NAV1: variants seen among roughly 807,000 people sequenced by gnomAD.
NAV1 encodes neuron navigator 1, also known as pore membrane and/or filament interacting like protein 3.
NAV1 carries 18 observed loss-of-function variants against 175.2 expected under a neutral mutation model. The observed-to-expected ratio is 0.10, with a 90% CI of 0.07 to 0.15. The LOEUF (loss-of-function observed/expected upper bound fraction) is 0.15, where lower values mean the gene tolerates loss of function less well. NAV1 is among the 10% of genes least tolerant of loss of function. The pLI, the probability that NAV1 is intolerant of heterozygous loss-of-function variation, is 1.00. For synonymous variants in NAV1, 897 were observed against 978.7 expected (o/e 0.92, Z 1.56); for missense variants, 1,731 against 2,436.6 (o/e 0.71, Z 6.10).
chr1:201,744,888 A>C (rs1243603005), intron 3 of NAV1, among the ~76,000 whole-genome samples: 1 of 152,218 alleles, frequency 6.6e-6, no homozygotes, highest in East Asian at 1.9e-4. Context: ...GAGACAAACA[A>C]CTGAATGAAT....
At chr1:201,736,245 C>T (rs1673108662) in intron 3 of NAV1, among the ~76,000 whole-genome samples, 1 of 152,148 alleles carries the variant, frequency 6.6e-6, no homozygotes, top group Non-Finnish European at 1.5e-5. Flanking sequence ...TACCTTGGGA[C>T]CCTAATCCTC....
intron 2 of NAV1, among the ~76,000 whole-genome samples, chr1:201,603,072 G>A (rs1667570349): frequency 6.6e-6 from 1 of 152,208 alleles, no homozygotes; most frequent in African/African-American, 2.4e-5. Context: ...CCCAGTCCTG[G>A]CGTGAACCTA....
At chr1:201,544,060 C>A (rs35578983) in intron 1 of NAV1, among the ~76,000 whole-genome samples, 63,485 of 152,136 alleles carry the variant, frequency 0.42, 15,070 homozygotes, top group Non-Finnish European at 0.56. Context: ...CCACGCCCAG[C>A]CTCAGCGCGG....
exon 2 of NAV1, chr1:201,712,865 G>C (rs762413330): frequency 6.2e-7 from 1 of 1,613,990 alleles, no homozygotes. Context: ...CTGGATCTCC[G>C]GCAGAACCTG....
At chr1:201,615,866 G>T (rs1667988231) in intron 2 of NAV1, among the ~76,000 whole-genome samples, 1 of 152,140 alleles carries the variant, frequency 6.6e-6, no homozygotes, top group South Asian at 2.1e-4. Context: ...GGACAATGTT[G>T]TTCCTGTTGA....
At chr1:201,648,926 C>T (rs1280120962) in exon 1 of NAV1, 2 of 1,612,830 alleles carry the variant, frequency 1.2e-6, no homozygotes, top group African/African-American at 2.7e-5. Flanking sequence ...CCAACCTGCG[C>T]AAGCAGAAGT....
chr1:201,580,589 A>G (rs1241600046), intron 1 of NAV1, among the ~76,000 whole-genome samples: 2 of 152,158 alleles, frequency 1.3e-5, no homozygotes, highest in East Asian at 1.9e-4. Flanking sequence ...CCTGGCCAAC[A>G]TGGTGAAACC....
At chr1:201,566,106 C>T (rs569834653) in intron 1 of NAV1, among the ~76,000 whole-genome samples, 24 of 152,322 alleles carry the variant, frequency 1.6e-4, no homozygotes, top group African/African-American at 5.5e-4. Context: ...GGGCCTCCCC[C>T]ACACTCTGCC....
At chr1:201,736,988 T>G (rs1185892036) in intron 3 of NAV1, among the ~76,000 whole-genome samples, 2 of 148,312 alleles carry the variant, frequency 1.3e-5, no homozygotes, top group Non-Finnish European at 3.0e-5. Flanking sequence ...TCCCCCACCC[T>G]CCACCTCCAC....
chr1:201,572,412 A>C (rs1030862474), intron 1 of NAV1, among the ~76,000 whole-genome samples: 1 of 142,904 alleles, frequency 7.0e-6, no homozygotes, highest in Non-Finnish European at 1.5e-5. Flanking sequence ...TCTGTCACCC[A>C]GGCTGGAGTG....
At chr1:201,606,871 A>G (rs681068) in intron 2 of NAV1, among the ~76,000 whole-genome samples, 22,193 of 152,258 alleles carry the variant, frequency 0.15, 1,650 homozygotes, top group Admixed American at 0.18. Context: ...ACCCTTAGAC[A>G]CTATTGGAGG....
intron 2 of NAV1, among the ~76,000 whole-genome samples, chr1:201,612,562 T>A (rs1048635575): frequency 1.1e-4 from 17 of 152,222 alleles, no homozygotes; most frequent in African/African-American, 3.6e-4. Context: ...GGTGAAGGCC[T>A]GTTCCCCATA....
At chr1:201,744,312 GTATGTATTTATTTATT>G (rs1212145026) in intron 3 of NAV1, among the ~76,000 whole-genome samples, 10 of 145,674 alleles carry the variant, frequency 6.9e-5, no homozygotes, top group East Asian at 4.0e-4. Context: ...ATGTATGTAT[GTATGTATTTATTTATT>G]TATTTATTTA....
At chr1:201,765,849 T>C (rs1049127192) in intron 3 of NAV1, among the ~76,000 whole-genome samples, 3 of 152,320 alleles carry the variant, frequency 2.0e-5, no homozygotes, top group African/African-American at 7.2e-5. Context: ...AATAACGCCA[T>C]GTAACCAGTC....
At chr1:201,772,585 C>A (rs1301617241) in intron 3 of NAV1, among the ~76,000 whole-genome samples, 5 of 152,180 alleles carry the variant, frequency 3.3e-5, no homozygotes, top group Non-Finnish European at 5.9e-5. Flanking sequence ...GAGATGAAAT[C>A]ATTCCTTCCT....
intron 7 of NAV1, among the ~76,000 whole-genome samples, chr1:201,784,565 A>C (rs1676570464): frequency 8.3e-6 from 1 of 119,904 alleles, no homozygotes; most frequent in Non-Finnish European, 1.8e-5. Context: ...CCATAATACG[A>C]TCTATTTTTT....
In NAV1 at chr1:201,788,377, C is replaced by T; in HGVS notation, c.2996-91C>T. The T allele has an allele frequency of 7.1e-7, 1 of 1,401,780 alleles. No individual in the cohort carries two copies. Among genetic ancestry groups the T allele is most frequent in the African/African-American group, 1.4e-5 (1 of 70,996 alleles). The allele number at this position is 1,401,780 out of a possible 1,614,324, so 86.8% of individuals were successfully genotyped here. A position where few individuals can be genotyped will look rare whatever the true frequency, so the allele number is the denominator to read the frequency against. On this transcript the variant is annotated intron_variant, in intron 9 of 29. Transcript: ENST00000367296. The surrounding 1 kb of genome is among the most constrained non-coding windows in gnomAD (Gnocchi z 5.7). ...ATTTGCCTCTCATGCTCCCGGTGCT[C>T]CATCCCCCAAGGGCCCGGAGAGCTG...
intron 2 of NAV1, among the ~76,000 whole-genome samples, chr1:201,714,396 C>T (rs1672048718): frequency 6.6e-6 from 1 of 152,234 alleles, no homozygotes; most frequent in Non-Finnish European, 1.5e-5. Flanking sequence ...ATCTTGGACA[C>T]TCAGCCCTTT....
intron 1 of NAV1, 111 bp from the exon 6 acceptor site, chr1:201,712,706 T>A (rs1671960551): frequency 1.4e-5 from 10 of 740,130 alleles, no homozygotes; most frequent in Admixed American, 3.8e-5. Context: ...GTGACTATCA[T>A]GGCCCAGGGA....
Sources: gnomAD v4.1 joint callset for allele counts (sites outside exome capture counted in the v4.1 genomes callset) on GRCh38, gnomAD v4.1.1 for gene constraint, Gnocchi (gnomAD v3.1) non-coding constraint, MANE v1.5 for transcripts, NCBI Gene and HGNC (gene_info 2026-07-23, HGNC 2026-07-21) for gene names.